XRCC4: variants seen among roughly 807,000 people sequenced by gnomAD.
XRCC4 encodes DNA repair protein XRCC4.
In XRCC4, 28 loss-of-function variants were observed where a neutral mutation model predicts 39.1. The observed-to-expected ratio is 0.72, with a 90% CI of 0.53 to 0.98. XRCC4 has a LOEUF of 0.98. Ranked by LOEUF, XRCC4 falls within the 50% of genes least tolerant of loss-of-function variation. The pLI is 0.00. For synonymous variants in XRCC4, 123 were observed against 126.4 expected (o/e 0.97, Z 0.18); for missense variants, 350 against 376.4 (o/e 0.93, Z 0.58).
chr5:83,097,949 T>A (rs545914334), intron 1 of XRCC4, among the ~76,000 whole-genome samples: 16 of 152,262 alleles, frequency 1.1e-4, no homozygotes, highest in Admixed American at 8.5e-4. Flanking sequence ...ACTTTGGAGC[T>A]AGGTATTAAA....
intron 7 of XRCC4, among the ~76,000 whole-genome samples, chr5:83,304,943 A>ATAGT (rs1013574706): frequency 1.3e-5 from 2 of 152,274 alleles, no homozygotes; most frequent in Admixed American, 6.5e-5. Flanking sequence ...GTACCATTTT[A>ATAGT]TAGTTATTGG....
At chr5:83,289,900 A>G (rs1350162021) in intron 7 of XRCC4, among the ~76,000 whole-genome samples, 2 of 151,752 alleles carry the variant, frequency 1.3e-5, no homozygotes, top group East Asian at 3.9e-4. Flanking sequence ...TCTTTCTTGG[A>G]TCTTTACCAT....
At chr5:83,124,386 G>T (rs1747159120) in intron 3 of XRCC4, among the ~76,000 whole-genome samples, 1 of 151,996 alleles carries the variant, frequency 6.6e-6, no homozygotes, top group South Asian at 2.1e-4. Flanking sequence ...TTTTGAGATT[G>T]GCTGCTTTTC....
intron 7 of XRCC4, among the ~76,000 whole-genome samples, chr5:83,344,226 A>G (rs1023659270): frequency 7.3e-5 from 11 of 151,530 alleles, no homozygotes; most frequent in African/African-American, 1.7e-4. Flanking sequence ...AAATATAATC[A>G]TTTATTTAAA....
At chr5:83,235,582 T>C (rs1752659555) in intron 6 of XRCC4, among the ~76,000 whole-genome samples, 1 of 152,052 alleles carries the variant, frequency 6.6e-6, no homozygotes, top group Non-Finnish European at 1.5e-5. Flanking sequence ...ACAAAGGTCA[T>C]GTATGACAAA....
intron 6 of XRCC4, among the ~76,000 whole-genome samples, chr5:83,207,050 G>A (rs1157693221): frequency 6.6e-6 from 1 of 152,068 alleles, no homozygotes; most frequent in Non-Finnish European, 1.5e-5. Flanking sequence ...TGGCAGTTAT[G>A]CTTGTTTTAC....
chr5:83,358,199 G>C (rs962764086), downstream of XRCC4, among the ~76,000 whole-genome samples: 9 of 152,044 alleles, frequency 5.9e-5, no homozygotes, highest in African/African-American at 2.2e-4. Flanking sequence ...ACTGGAAATG[G>C]ATACCTTGAG....
intron 3 of XRCC4, among the ~76,000 whole-genome samples, chr5:83,135,167 G>A (rs1747831878): frequency 6.6e-6 from 1 of 152,160 alleles, no homozygotes; most frequent in Non-Finnish European, 1.5e-5. Context: ...GACCCCTTGA[G>A]CTTCCAGGGT....
chr5:83,241,214 G>A (rs1752895803), intron 6 of XRCC4, among the ~76,000 whole-genome samples: 1 of 147,198 alleles, frequency 6.8e-6, no homozygotes, highest in Non-Finnish European at 1.5e-5. Flanking sequence ...ATGCACTCCA[G>A]CCAGGGCAAC....
chr5:83,203,872 G>GTT lies in XRCC4; in HGVS notation c.638+166_638+167dup, dbSNP rs1199107478. On this transcript the variant is annotated intron_variant, in intron 5 of 7. Coordinates refer to ENST00000396027, the MANE Select transcript of XRCC4 (RefSeq NM_003401.5). ...AGATAGGGGTACCATGGGCTAGAGAGTTCTCAGCATGGTCTCTCTATGTCT... is the reference window on the plus strand; with the variant it reads ...AGATAGGGGTACCATGGGCTAGAGAGTTTTCTCAGCATGGTCTCTCTATGTCT... 3.3e-5 allele frequency among the ~76,000 whole-genome samples: 5 copies of GTT among 152,064 alleles called. No individual in the cohort carries two copies. The East Asian group carries it at 7.7e-4, about 23-fold the overall frequency.
the XRCC4 span, among the ~76,000 whole-genome samples, chr5:83,364,188 G>A: frequency 3.9e-5 from 6 of 152,062 alleles, no homozygotes; most frequent in Non-Finnish European, 4.4e-5. Flanking sequence ...TATCCTTTTT[G>A]CCCAAGAACA....
intron 7 of XRCC4, among the ~76,000 whole-genome samples, chr5:83,329,978 A>G (rs1189024458): frequency 1.3e-5 from 2 of 152,104 alleles, no homozygotes; most frequent in Admixed American, 6.6e-5. Flanking sequence ...ATTGTGCTTA[A>G]GTAGGAGAAT....
downstream of XRCC4, among the ~76,000 whole-genome samples, chr5:83,358,770 A>G (rs1442475384): frequency 6.6e-6 from 1 of 152,232 alleles, no homozygotes; most frequent in Admixed American, 6.5e-5. Context: ...CAATTTCTAT[A>G]AAACCTGTTC....
chr5:83,239,169 GGCTCCAGGAATGCCACATTGAATAAGAT>G (rs543061579), intron 6 of XRCC4, among the ~76,000 whole-genome samples: 84 of 152,256 alleles, frequency 5.5e-4, no homozygotes, highest in African/African-American at 2.0e-3. Flanking sequence ...CCTGATGTCT[GGCTCCAGGAATGCCACATTGAATAAGAT>G]ATTGTCTCTG....
At chr5:83,218,062 T>TATATATATATATA (rs1554065873) in intron 6 of XRCC4, among the ~76,000 whole-genome samples, 74 of 147,608 alleles carry the variant, frequency 5.0e-4, no homozygotes, top group Middle Eastern at 3.6e-3. Context: ...TTTACCTTTT[T>TATATATATATATA]TATATATATA....
Position 83,353,311 on chromosome 5 carries a change from A to C in XRCC4, c.*69A>C. 8.0e-7 allele frequency: 1 copy of C among 1,256,604 alleles called. No individual in the cohort carries two copies. The highest frequency in any genetic ancestry group is 1.1e-6 in the Non-Finnish European group (1 of 901,022). The allele number at this position is 1,256,604 out of a possible 1,614,324, so 77.8% of individuals were successfully genotyped here. ...ATTCATTTCTTTAAAATGAAAAAGG[A>C]GAATTTCAAGTCAGCAGCCGCTATT... On this transcript the variant is annotated 3_prime_UTR_variant, in exon 8 of 8. Coordinates refer to ENST00000396027, the MANE Select transcript of XRCC4 (RefSeq NM_003401.5).
At chr5:83,268,415 C>T (rs1415571791) in intron 7 of XRCC4, among the ~76,000 whole-genome samples, 2 of 152,116 alleles carry the variant, frequency 1.3e-5, no homozygotes, top group Non-Finnish European at 2.9e-5. Context: ...CTATATTTAT[C>T]TACTCAAATA....
At chr5:83,100,703 C>T (rs1745889650) in intron 1 of XRCC4, among the ~76,000 whole-genome samples, 1 of 152,076 alleles carries the variant, frequency 6.6e-6, no homozygotes, top group Non-Finnish European at 1.5e-5. Flanking sequence ...GTAGTTCCTA[C>T]ACCCTCCCAT....
chr5:83,196,606 A>T (rs1215953122), intron 4 of XRCC4, among the ~76,000 whole-genome samples: 2 of 151,870 alleles, frequency 1.3e-5, no homozygotes, highest in African/African-American at 4.8e-5. Flanking sequence ...ATTTGAAGGA[A>T]ATAAAATGCA....
Sources: allele counts gnomAD v4.1 joint callset (sites outside exome capture counted in the v4.1 genomes callset), GRCh38; gene constraint gnomAD v4.1.1; transcripts MANE v1.5; gene names NCBI Gene and HGNC (gene_info 2026-07-23, HGNC 2026-07-21).